MRPL1: variants seen among roughly 807,000 people sequenced by gnomAD.
The protein encoded by MRPL1 is large ribosomal subunit protein uL1m.
A neutral mutation model predicts 38.0 loss-of-function variants in MRPL1; 28 were observed. The ratio of observed to expected loss-of-function variants is 0.74; its 90% CI spans 0.55 to 1.01. The LOEUF (loss-of-function observed/expected upper bound fraction) is 1.01, where lower values mean the gene tolerates loss of function less well. Ranked by LOEUF, MRPL1 falls within the 50% of genes least tolerant of loss-of-function variation. The probability of loss-of-function intolerance (pLI) is 0.00; values close to 1 mark genes in which losing one functional copy is unlikely to be tolerated. For synonymous variants in MRPL1, 123 were observed against 126.7 expected (o/e 0.97, Z 0.20); for missense variants, 358 against 389.8 (o/e 0.92, Z 0.69).
At chr4:77,905,496 CAAAAAAAAAA>C (rs374398968) in intron 6 of MRPL1, among the ~76,000 whole-genome samples, 10 of 63,392 alleles carry the variant, frequency 1.6e-4, no homozygotes, top group Admixed American at 4.7e-4. Flanking sequence ...GACTCCGTCT[CAAAAAAAAAA>C]AAAAAAAAAA....
At chr4:77,872,989 C>T (rs544996381) in intron 2 of MRPL1, among the ~76,000 whole-genome samples, 5 of 152,200 alleles carry the variant, frequency 3.3e-5, no homozygotes, top group East Asian at 1.9e-4. Flanking sequence ...GCTGAGATTG[C>T]GCCACTACAC....
At chr4:77,885,205 A>C in intron 3 of MRPL1, 51 bp from the exon 4 acceptor site, 1 of 1,346,226 alleles carries the variant, frequency 7.4e-7, no homozygotes, top group South Asian at 1.2e-5. Context: ...AGAGTGTGTG[A>C]AATAGAAAAG....
chr4:77,913,826 A>C (rs539409221), intron 7 of MRPL1, among the ~76,000 whole-genome samples: 1 of 152,258 alleles, frequency 6.6e-6, no homozygotes, highest in African/African-American at 2.4e-5. Flanking sequence ...ATGGATTTCA[A>C]AATAATTTTG....
chr4:77,880,028 A>C (rs898753200), intron 2 of MRPL1, among the ~76,000 whole-genome samples: 1 of 152,158 alleles, frequency 6.6e-6, no homozygotes, highest in Non-Finnish European at 1.5e-5. Flanking sequence ...TTTTATTATC[A>C]TCCATTTCTT....
At chr4:77,866,177 G>T (rs1006763714) in intron 1 of MRPL1, among the ~76,000 whole-genome samples, 1 of 152,056 alleles carries the variant, frequency 6.6e-6, no homozygotes, top group Admixed American at 6.5e-5. Flanking sequence ...TCAGCCTCCC[G>T]AGGAGCTGGG....
rs1408165952 is a variant in MRPL1, at chr4:77,949,847, T to C, written c.828T>C (p.Asn276=). Reference sequence around the variant, plus strand: ...CTGCCAATCTGCAAGCAGTTATTAATGAAGTTTGTAGGCACAGACCGCTGA... The same window carrying C: ...CTGCCAATCTGCAAGCAGTTATTAACGAAGTTTGTAGGCACAGACCGCTGA... ...QIAANLQAVI[N]EVCRHRPLNL... The change falls in exon 8 of 9, where the codon AAT becomes AAC. Residue 276 remains asparagine (N), a synonymous_variant. Transcript: ENST00000315567. 6.2e-7 allele frequency: 1 copy of C among 1,611,696 alleles called. No individual in the cohort carries two copies. The highest frequency in any genetic ancestry group is 1.3e-5 in the African/African-American group (1 of 74,876).
At chr4:77,935,608 C>A (rs2110261863) in intron 7 of MRPL1, among the ~76,000 whole-genome samples, 1 of 152,268 alleles carries the variant, frequency 6.6e-6, no homozygotes, top group South Asian at 2.1e-4. Flanking sequence ...GTTGGGCAGG[C>A]TGGTCTCGAA....
intron 7 of MRPL1, among the ~76,000 whole-genome samples, chr4:77,947,012 A>C (rs1244837001): frequency 5.4e-5 from 2 of 36,756 alleles, no homozygotes; most frequent in African/African-American, 8.2e-5. Flanking sequence ...TCAATGGGAC[A>C]AAAAAAAAAA....
chr4:77,876,513 A>T (rs931494216), intron 2 of MRPL1, among the ~76,000 whole-genome samples: 24 of 152,338 alleles, frequency 1.6e-4, no homozygotes, highest in African/African-American at 5.5e-4. Flanking sequence ...AACAAGAAAT[A>T]TGCCTACTCT....
chr4:77,871,839 T>A lies in MRPL1; in HGVS notation c.127T>A (p.Phe43Ile), dbSNP rs777338567. 1.3e-5 allele frequency: 20 copies of A among 1,592,514 alleles called. No homozygotes were observed. Among genetic ancestry groups the A allele is most frequent in the Non-Finnish European group, 1.7e-5 (20 of 1,171,606 alleles). The change falls in exon 2 of 9, where the codon TTT (phenylalanine) becomes ATT (isoleucine). Residue 43 changes from phenylalanine to isoleucine, a missense_variant. Physicochemically the swap from Phe to Ile is conservative, Grantham distance 21. Transcript: ENST00000315567. ...SVNIRVPNRHFAAATKSAKKT... is the reference protein window; with the variant it reads ...SVNIRVPNRHIAAATKSAKKT... ...AAACATCCGAGTGCCCAACAGACAT[T>A]TTGCTGCTGCTACAAAGTAAGTATT...
chr4:77,887,041 A>T (rs2110237237), intron 4 of MRPL1, among the ~76,000 whole-genome samples, 179 bp from the exon 5 acceptor site: 1 of 152,224 alleles, frequency 6.6e-6, no homozygotes, highest in Non-Finnish European at 1.5e-5. Context: ...TATCCGCCTC[A>T]GCCTCCCAAA....
intron 2 of MRPL1, among the ~76,000 whole-genome samples, chr4:77,881,786 G>A (rs1735548192): frequency 6.6e-6 from 1 of 152,094 alleles, no homozygotes; most frequent in South Asian, 2.1e-4. Flanking sequence ...ATCTTTTCCA[G>A]TCTTATTACT....
chr4:77,877,727 G>A (rs773595569), intron 2 of MRPL1, among the ~76,000 whole-genome samples: 1 of 151,598 alleles, frequency 6.6e-6, no homozygotes, highest in Non-Finnish European at 1.5e-5. Context: ...CATGTCTTAT[G>A]GGGAAGTTTC....
At chr4:77,909,471 GT>G in intron 7 of MRPL1, 99 bp downstream of exon 7, 10 of 739,982 alleles carry the variant, frequency 1.4e-5, no homozygotes, top group Non-Finnish European at 2.0e-5. Flanking sequence ...ATTTGAACTT[GT>G]TTTTGGCACT....
chr4:77,948,757 ATCT>A (rs1348843185), intron 7 of MRPL1, among the ~76,000 whole-genome samples: 44 of 149,876 alleles, frequency 2.9e-4, no homozygotes, highest in Admixed American at 1.3e-3. Flanking sequence ...TTTTATATGA[ATCT>A]TCTTCTTCTT....
intron 2 of MRPL1, 79 bp from the exon 3 acceptor site, chr4:77,883,163 C>A: frequency 2.2e-6 from 2 of 904,156 alleles, no homozygotes; most frequent in South Asian, 2.4e-5. Flanking sequence ...TTTTTTTTCT[C>A]TTATGTACAC....
intron 5 of MRPL1, among the ~76,000 whole-genome samples, chr4:77,893,236 CCT>C (rs1735842834): frequency 6.6e-6 from 1 of 152,172 alleles, no homozygotes; most frequent in Non-Finnish European, 1.5e-5. Context: ...CCCACCTCAG[CCT>C]CCCGGTTACC....
chr4:77,899,380 A>G (rs1735986179), intron 6 of MRPL1, among the ~76,000 whole-genome samples: 1 of 151,980 alleles, frequency 6.6e-6, no homozygotes, highest in Non-Finnish European at 1.5e-5. Flanking sequence ...TGATTCAACT[A>G]TCCTTTCCAG....
At chr4:77,874,919 T>A (rs28397213) in intron 2 of MRPL1, among the ~76,000 whole-genome samples, 2,414 of 151,746 alleles carry the variant, frequency 0.016, 30 homozygotes, top group Non-Finnish European at 0.025. Context: ...GTAGCTGGGA[T>A]TACAGGCACA....
Sources: gnomAD v4.1 joint callset for allele counts (sites outside exome capture counted in the v4.1 genomes callset) on GRCh38, gnomAD v4.1.1 for gene constraint, MANE v1.5 for transcripts, NCBI Gene and HGNC (gene_info 2026-07-23, HGNC 2026-07-21) for gene names.